SNX29: variants seen among roughly 807,000 people sequenced by gnomAD.
SNX29 encodes sorting nexin-29.
SNX29 carries 78 observed loss-of-function variants against 102.1 expected under a neutral mutation model. The observed-to-expected ratio is 0.76, with a 90% CI of 0.64 to 0.92. The LOEUF is 0.92. Among genes scored for constraint, SNX29 ranks in the 40% least tolerant of loss-of-function variants. The pLI, the probability that SNX29 is intolerant of heterozygous loss-of-function variation, is 0.00. For missense variants in SNX29, 1,280 were observed against 1,061.7 expected, an observed-to-expected ratio of 1.21 and a Z score of -2.86; for synonymous variants, 580 against 414.5, an observed-to-expected ratio of 1.40 and a Z score of -4.85.
chr16:12,223,949 G>T (rs1184610712), intron 14 of SNX29, among the ~76,000 whole-genome samples: 1 of 152,142 alleles, frequency 6.6e-6, no homozygotes, highest in African/African-American at 2.4e-5. Flanking sequence ...CCTCGGAGGG[G>T]TTCAGCAGCT....
chr16:12,534,202 A>G (rs972573128), intron 20 of SNX29, among the ~76,000 whole-genome samples: 1 of 152,224 alleles, frequency 6.6e-6, no homozygotes. Flanking sequence ...TGTGGGCTCC[A>G]TGAGAAAGGG....
intron 15 of SNX29, among the ~76,000 whole-genome samples, chr16:12,328,200 T>A (rs1420418134): frequency 1.3e-5 from 2 of 152,206 alleles, no homozygotes; most frequent in African/African-American, 2.4e-5. Context: ...TAAACTCTAG[T>A]TGTTCTTTTA....
At chr16:12,399,682 G>C (rs1008758525) in intron 17 of SNX29, among the ~76,000 whole-genome samples, 8 of 152,162 alleles carry the variant, frequency 5.3e-5, no homozygotes, top group Admixed American at 1.3e-4. Context: ...GATTATGAAA[G>C]GCATGAGGGC....
intron 4 of SNX29, among the ~76,000 whole-genome samples, chr16:12,038,558 C>T (rs1275758145): frequency 6.6e-6 from 1 of 152,174 alleles, no homozygotes; most frequent in African/African-American, 2.4e-5. Context: ...ACACCGCAGG[C>T]GCTAATTGGC....
chr16:12,496,397 C>A (rs1013749209), intron 19 of SNX29, among the ~76,000 whole-genome samples: 1 of 152,030 alleles, frequency 6.6e-6, no homozygotes, highest in Admixed American at 6.6e-5. Context: ...TCTCACGCTT[C>A]CTCGTTGCAA....
At position 12,244,934 on chromosome 16, in the gene SNX29, T is replaced by C. The variant is rs143184243; in HGVS notation, c.1679-32999T>C. On this transcript the variant is annotated intron_variant, in intron 14 of 20. Transcript: ENST00000566228. The stretch of plus-strand genomic sequence containing the variant: ...TCATGTTTCTCCTTTCAGATTTGTT[T>C]TGGCAATTTATTAGCAGATCTAATT... 3.7e-3 allele frequency among the ~76,000 whole-genome samples: 561 copies of C among 152,332 alleles called. 4 individuals are homozygous for C. The highest frequency in any genetic ancestry group is 0.013 in the African/African-American group (534 of 41,582).
rs188845209 is a variant in SNX29, at chr16:11,979,764, A to G, written c.7+2951A>G. 4.8e-4 allele frequency among the ~76,000 whole-genome samples: 73 copies of G among 152,052 alleles called. 1 individual carries two copies. The highest frequency in any genetic ancestry group is 2.6e-4 in the Admixed American group (4 of 15,242). On this transcript the variant is annotated intron_variant, in intron 1 of 20. Coordinates refer to ENST00000566228, the MANE Select transcript of SNX29 (RefSeq NM_032167.5). ...ATGCCCGGCTGAGTTTTGTATTTTTAGTAGAGATGGAGTTTCGCTGTGTTG... is the reference window on the plus strand; with the variant it reads ...ATGCCCGGCTGAGTTTTGTATTTTTGGTAGAGATGGAGTTTCGCTGTGTTG...
At chr16:12,227,098 G>A (rs1162940934) in intron 14 of SNX29, among the ~76,000 whole-genome samples, 1 of 152,184 alleles carries the variant, frequency 6.6e-6, no homozygotes, top group Non-Finnish European at 1.5e-5. Flanking sequence ...TGGGGCTTTT[G>A]TACAAGCCAG....
chr16:12,424,997 G>T (rs2151602421), intron 18 of SNX29, among the ~76,000 whole-genome samples: 1 of 152,370 alleles, frequency 6.6e-6, no homozygotes, highest in African/African-American at 2.4e-5. Flanking sequence ...ACCTTGGGCT[G>T]CAAGGAGATT....
intron 20 of SNX29, among the ~76,000 whole-genome samples, chr16:12,538,843 A>C (rs2077195186): frequency 1.3e-5 from 2 of 152,192 alleles, no homozygotes. Context: ...GTCACGTGGC[A>C]AAGAGGGGCA....
chr16:12,523,203 C>T (rs552809506), intron 19 of SNX29, among the ~76,000 whole-genome samples: 127 of 152,270 alleles, frequency 8.3e-4, no homozygotes, highest in African/African-American at 2.9e-3. Context: ...CTGCCTTGGG[C>T]CAGCTCTGTG....
chr16:12,385,126 G>A lies in SNX29; in HGVS notation c.1900-13320G>A, dbSNP rs186010889. 1.3e-3 allele frequency among the ~76,000 whole-genome samples: 199 copies of A among 152,292 alleles called. 1 individual carries two copies. The highest frequency in any genetic ancestry group is 4.9e-4 in the Non-Finnish European group (33 of 68,026). ...CAGAGGTTGCAATGAGCCTGAGATC[G>A]CGCCACTGCACTCCAGCCTGGCAAC... On this transcript the variant is annotated intron_variant, in intron 16 of 20. Transcript: ENST00000566228.
chr16:12,117,675 G>C (rs528761193), intron 11 of SNX29, among the ~76,000 whole-genome samples: 3 of 152,216 alleles, frequency 2.0e-5, no homozygotes, highest in South Asian at 4.1e-4. Context: ...TGGTAGAAAC[G>C]TTCTAGAACT....
At chr16:12,019,934 G>T in intron 3 of SNX29, among the ~76,000 whole-genome samples, 1 of 151,910 alleles carries the variant, frequency 6.6e-6, no homozygotes, top group African/African-American at 2.4e-5. Flanking sequence ...ACTGCACCTG[G>T]CCTGTATTGT....
At chr16:12,404,518 C>G (rs186839611) in intron 18 of SNX29, among the ~76,000 whole-genome samples, 5 of 152,288 alleles carry the variant, frequency 3.3e-5, no homozygotes, top group African/African-American at 1.2e-4. Flanking sequence ...CTTCTCCTGT[C>G]TGCTTGTGCT....
chr16:12,441,649 T>C (rs571834439), intron 18 of SNX29, among the ~76,000 whole-genome samples: 69 of 152,364 alleles, frequency 4.5e-4, no homozygotes, highest in African/African-American at 1.4e-3. Flanking sequence ...TTATCTGTTT[T>C]TTCTTTTGTT....
At chr16:12,495,153 C>G (rs141189592) in intron 19 of SNX29, among the ~76,000 whole-genome samples, 1 of 152,070 alleles carries the variant, frequency 6.6e-6, no homozygotes, top group East Asian at 1.9e-4. Flanking sequence ...GCAATTCTTT[C>G]GTTTTCTTTT....
chr16:12,549,265 G>GC, intron 20 of SNX29, among the ~76,000 whole-genome samples: 1 of 152,194 alleles, frequency 6.6e-6, no homozygotes, highest in East Asian at 1.9e-4. Context: ...GGAGGCTGAG[G>GC]TGGTAGATCA....
At chr16:12,410,664 T>A (rs1415619232) in intron 18 of SNX29, among the ~76,000 whole-genome samples, 1 of 151,430 alleles carries the variant, frequency 6.6e-6, no homozygotes, top group Non-Finnish European at 1.5e-5. Context: ...TAACTCCTGG[T>A]CTCAAGTGAT....
Sources: gnomAD v4.1 joint callset for allele counts (sites outside exome capture counted in the v4.1 genomes callset) on GRCh38, gnomAD v4.1.1 for gene constraint, MANE v1.5 for transcripts, NCBI Gene and HGNC (gene_info 2026-07-23, HGNC 2026-07-21) for gene names.